Variants in SLC44A5 observed in about 807,000 individuals in gnomAD.
SLC44A5 encodes solute carrier family 44 member 5, also known as choline transporter-like protein 5.
Under a neutral mutation model 101.8 loss-of-function variants are expected in SLC44A5, and 57 were observed. That is an observed-to-expected ratio of 0.56 (90% confidence interval 0.45 to 0.70). The LOEUF (loss-of-function observed/expected upper bound fraction) is 0.70, where lower values mean the gene tolerates loss of function less well. Among genes scored for constraint, SLC44A5 ranks in the 30% least tolerant of loss-of-function variants. The pLI, the probability that SLC44A5 is intolerant of heterozygous loss-of-function variation, is 0.00. For synonymous variants in SLC44A5, 281 were observed against 290.9 expected, an observed-to-expected ratio of 0.97 and a Z score of 0.35; for missense variants, 737 against 853.1, an observed-to-expected ratio of 0.86 and a Z score of 1.70.
At chr1:75,559,525 G>C (rs759091428) in intron 1 of SLC44A5, among the ~76,000 whole-genome samples, 2 of 152,138 alleles carry the variant, frequency 1.3e-5, no homozygotes, top group Non-Finnish European at 2.9e-5. Context: ...ATTTCACCTA[G>C]TGAGCAACAG....
At chr1:75,321,968 A>G (rs1009054199) in intron 4 of SLC44A5, among the ~76,000 whole-genome samples, 5 of 152,160 alleles carry the variant, frequency 3.3e-5, no homozygotes, top group African/African-American at 1.2e-4. Context: ...CCCATTTGTT[A>G]TCTCCACAAT....
At chr1:75,416,792 C>T (rs1039741872) in intron 2 of SLC44A5, among the ~76,000 whole-genome samples, 3 of 152,246 alleles carry the variant, frequency 2.0e-5, no homozygotes, top group African/African-American at 7.2e-5. Context: ...TAAAATTTGA[C>T]TACCCTGTTG....
intron 2 of SLC44A5, among the ~76,000 whole-genome samples, chr1:75,520,770 G>A (rs1670074450): frequency 6.6e-6 from 1 of 152,168 alleles, no homozygotes; most frequent in Non-Finnish European, 1.5e-5. Context: ...CACCACTTTA[G>A]AGTATGCTTG....
chr1:75,533,892 C>T (rs139747483), intron 2 of SLC44A5, among the ~76,000 whole-genome samples: 353 of 152,198 alleles, frequency 2.3e-3, no homozygotes, highest in African/African-American at 8.2e-3. Context: ...CTCAAATTTT[C>T]GAAACGTCTT....
At chr1:75,616,343 G>GCGGC in the SLC44A5 span, among the ~76,000 whole-genome samples, 4 of 152,322 alleles carry the variant, frequency 2.6e-5, no homozygotes, top group South Asian at 8.3e-4. Flanking sequence ...GACAACGGTG[G>GCGGC]CGGCGGCGGG....
chr1:75,701,442 G>A, the SLC44A5 span, among the ~76,000 whole-genome samples: 1 of 152,094 alleles, frequency 6.6e-6, no homozygotes, highest in South Asian at 2.1e-4. Context: ...AAAGGCCTTT[G>A]ACAAAATTCA....
At chr1:75,669,027 G>T in the SLC44A5 span, among the ~76,000 whole-genome samples, 1 of 151,214 alleles carries the variant, frequency 6.6e-6, no homozygotes, top group Non-Finnish European at 1.5e-5. Context: ...AGAAGAAGAA[G>T]AAGAGGAAGA....
At chr1:75,285,456 T>G (rs1327445727) in intron 5 of SLC44A5, among the ~76,000 whole-genome samples, 1 of 152,002 alleles carries the variant, frequency 6.6e-6, no homozygotes, top group Non-Finnish European at 1.5e-5. Context: ...TCATTTTTTT[T>G]GTGTTTCAAT....
intron 2 of SLC44A5, among the ~76,000 whole-genome samples, chr1:75,415,450 C>A (rs1663578962): frequency 6.6e-6 from 1 of 152,188 alleles, no homozygotes; most frequent in African/African-American, 2.4e-5. Context: ...TCTAATCAAA[C>A]CTCCATGTTT....
intron 22 of SLC44A5, among the ~76,000 whole-genome samples, chr1:75,211,972 T>A (rs1557525971): frequency 1.3e-5 from 2 of 151,792 alleles, no homozygotes; most frequent in South Asian, 2.1e-4. Context: ...CTCCCTCGGA[T>A]AACAGTTTAT....
At chr1:75,408,417 T>A (rs928012094) in intron 2 of SLC44A5, among the ~76,000 whole-genome samples, 17 of 152,192 alleles carry the variant, frequency 1.1e-4, no homozygotes, top group Non-Finnish European at 1.8e-4. Context: ...TGCACACATA[T>A]GTTTATTGCA....
chr1:75,242,821 C>T (rs970911639), intron 8 of SLC44A5, 65 bp downstream of exon 8: 52 of 1,487,464 alleles, frequency 3.5e-5, no homozygotes, highest in Middle Eastern at 1.8e-4. Flanking sequence ...CAAATTCTCA[C>T]GTTACACTTG....
intron 2 of SLC44A5, among the ~76,000 whole-genome samples, chr1:75,463,407 G>A (rs930412378): frequency 8.6e-5 from 12 of 138,882 alleles, no homozygotes; most frequent in South Asian, 2.4e-4. Context: ...GCTAAAGAGC[G>A]GGACTCTGTC....
intron 2 of SLC44A5, among the ~76,000 whole-genome samples, chr1:75,444,504 A>AAGAAAGAAAGAAAGAAAGAAAG (rs1553181291): frequency 6.6e-6 from 1 of 151,592 alleles, no homozygotes; most frequent in Non-Finnish European, 1.5e-5. Flanking sequence ...GAAAGAAAGA[A>AAGAAAGAAAGAAAGAAAGAAAG]AGAAAAAGAA....
rs117444894 is a variant in SLC44A5, at chr1:75,375,682, T to C, written c.52+20901A>G. 1.3e-4 allele frequency among the ~76,000 whole-genome samples: 20 copies of C among 152,346 alleles called. No individual in the cohort carries two copies. In the East Asian group the frequency reaches 3.9e-3, roughly 29 times the overall value. ...GAAACCTTACAAGCCAGAATAGACCTGGAGGCCTATTTTTAGCATTCTTGA... is the reference window on the plus strand; with the variant it reads ...GAAACCTTACAAGCCAGAATAGACCCGGAGGCCTATTTTTAGCATTCTTGA... On this transcript the variant is annotated intron_variant, in intron 3 of 23. Coordinates refer to ENST00000370859, the MANE Select transcript of SLC44A5 (RefSeq NM_001130058.2).
the SLC44A5 span, among the ~76,000 whole-genome samples, chr1:75,621,514 T>C: frequency 6.6e-6 from 1 of 152,158 alleles, no homozygotes; most frequent in South Asian, 2.1e-4. Flanking sequence ...TGTATGTTAG[T>C]GCAATTGCAG....
intron 2 of SLC44A5, among the ~76,000 whole-genome samples, chr1:75,403,947 C>T (rs537804893): frequency 3.3e-5 from 5 of 151,874 alleles, no homozygotes; most frequent in African/African-American, 1.2e-4. Context: ...AACTAAGAAC[C>T]TTGCAAAAAA....
intron 2 of SLC44A5, among the ~76,000 whole-genome samples, chr1:75,501,508 A>C (rs1668956910): frequency 6.6e-6 from 1 of 152,250 alleles, no homozygotes; most frequent in African/African-American, 2.4e-5. Flanking sequence ...GGAGCATTCC[A>C]GTAAGCATAA....
chr1:75,599,180 G>A (rs779473651), intron 1 of SLC44A5, among the ~76,000 whole-genome samples: 5 of 152,202 alleles, frequency 3.3e-5, no homozygotes, highest in Non-Finnish European at 7.3e-5. Context: ...AGGATAAATT[G>A]CGCACAATCA....
Sources: gnomAD v4.1 joint callset for allele counts (sites outside exome capture counted in the v4.1 genomes callset) on GRCh38, gnomAD v4.1.1 for gene constraint, MANE v1.5 for transcripts, NCBI Gene and HGNC (gene_info 2026-07-23, HGNC 2026-07-21) for gene names.